The following PLCB4 variants were observed in gnomAD, a reference collection of about 807,000 sequenced individuals.
The protein encoded by PLCB4 is phospholipase C beta 4, also known as 1-phosphatidylinositol 4,5-bisphosphate phosphodiesterase beta-4.
PLCB4 carries 77 observed loss-of-function variants against 178.8 expected under a neutral mutation model. That is an observed-to-expected ratio of 0.43 (90% CI 0.36 to 0.52). PLCB4 has a LOEUF of 0.52. Among genes scored for constraint, PLCB4 ranks in the 20% least tolerant of loss-of-function variants. PLCB4 has a pLI of 0.00. For missense variants in PLCB4, 1,024 were observed against 1,453.4 expected (o/e 0.70, Z 4.80); for synonymous variants, 496 against 490.8 (o/e 1.01, Z -0.14).
In PLCB4 at chr20:9,386,694, A is replaced by G. The variant is rs565579880; in HGVS notation, c.1065-769A>G. On this transcript the variant is annotated intron_variant, in intron 14 of 39. Coordinates refer to ENST00000378473, the MANE Select transcript of PLCB4 (RefSeq NM_001377142.1). The stretch of plus-strand genomic sequence containing the variant: ...ATTATTATACTTTAAGTTTTAGGGT[A>G]CATATGCACAACGTGCAGGTTTGTT... 6.3e-3 allele frequency among the ~76,000 whole-genome samples: 952 copies of G among 152,064 alleles called. 3 individuals carry two copies. The highest frequency in any genetic ancestry group is 8.3e-3 in the Non-Finnish European group (563 of 67,978).
intron 2 of PLCB4, among the ~76,000 whole-genome samples, chr20:9,138,406 G>A (rs188636715): frequency 3.3e-5 from 5 of 152,146 alleles, no homozygotes; most frequent in East Asian, 3.9e-4. Context: ...TAGACATTTA[G>A]TGGGAAATAT....
intron 3 of PLCB4, among the ~76,000 whole-genome samples, chr20:9,224,295 T>C (rs1157656736): frequency 1.3e-5 from 2 of 152,206 alleles, no homozygotes; most frequent in South Asian, 4.1e-4. Flanking sequence ...CACCCTTCTA[T>C]ACAGTGGCTC....
chr20:9,438,137 C>T lies in PLCB4; in HGVS notation c.2764+985C>T, dbSNP rs4369941. ...ATCCCAGCACTTTGAGAGGCCGAAG[C>T]GGGCAGATCATGAGGTCAGGAGATC... is the stretch of plus-strand genomic sequence containing the variant. On this transcript the variant is annotated intron_variant, in intron 30 of 39. Transcript: ENST00000378473. Among the ~76,000 whole-genome samples the T allele has an allele frequency of 7.8e-3, 1,192 of 151,974 alleles. 6 individuals are homozygous for T. Among genetic ancestry groups the T allele is most frequent in the Non-Finnish European group, 0.012 (790 of 67,958 alleles).
In PLCB4 at chr20:9,407,926, A is replaced by T. The variant is rs1418910844; in HGVS notation, c.1657A>T (p.Thr553Ser). ...EHENNKKGLVTVEDEQAWMAS... is the reference protein window; with the variant it reads ...EHENNKKGLVSVEDEQAWMAS... ...TTCCTTGTGCTTGTAGGGCCTGGTC[A>T]CTGTAGAAGATGAGCAGGCGTGGAT... The change falls in exon 22 of 40, where the codon ACT (threonine) becomes TCT (serine). Residue 553 changes from threonine to serine, a missense_variant. By Grantham distance (58) the Thr-to-Ser change is moderately conservative. Coordinates refer to ENST00000378473, the MANE Select transcript of PLCB4 (RefSeq NM_001377142.1). The T allele has an allele frequency of 6.2e-7, 1 of 1,612,370 alleles. No homozygotes were observed. Among genetic ancestry groups the T allele is most frequent in the Non-Finnish European group, 8.5e-7 (1 of 1,179,448 alleles).
chr20:9,144,060 CT>C (rs1478829626), intron 2 of PLCB4, among the ~76,000 whole-genome samples: 1 of 152,114 alleles, frequency 6.6e-6, no homozygotes, highest in Non-Finnish European at 1.5e-5. Flanking sequence ...CTGAAGTTTG[CT>C]TTTAGTTTTA....
intron 4 of PLCB4, among the ~76,000 whole-genome samples, chr20:9,325,525 C>CCTCA (rs1457029575): frequency 1.3e-5 from 2 of 152,144 alleles, no homozygotes; most frequent in Non-Finnish European, 2.9e-5. Flanking sequence ...ATCTGAGCAT[C>CCTCA]CAGATTTTGC....
chr20:9,131,302 T>C (rs1175519725), intron 2 of PLCB4, among the ~76,000 whole-genome samples: 3 of 152,088 alleles, frequency 2.0e-5, no homozygotes, highest in African/African-American at 4.8e-5. Context: ...CTTCCTTGCT[T>C]CCTTCCTTCT....
At chr20:9,151,802 G>T (rs1004407002) in intron 2 of PLCB4, among the ~76,000 whole-genome samples, 1 of 152,204 alleles carries the variant, frequency 6.6e-6, no homozygotes, top group African/African-American at 2.4e-5. Context: ...GATTGGAACA[G>T]TTTGAAGGGC....
intron 4 of PLCB4, among the ~76,000 whole-genome samples, chr20:9,318,932 C>T (rs919887776): frequency 1.3e-5 from 2 of 152,138 alleles, no homozygotes; most frequent in Non-Finnish European, 2.9e-5. Flanking sequence ...TACCTCAAGC[C>T]GTGTCTGTGG....
At chr20:9,289,262 T>C (rs1007440902) in intron 3 of PLCB4, among the ~76,000 whole-genome samples, 7 of 152,102 alleles carry the variant, frequency 4.6e-5, no homozygotes, top group Non-Finnish European at 2.9e-5. Flanking sequence ...CCAAATAGCA[T>C]TGTAGACCAA....
At chr20:9,473,199 G>A in intron 37 of PLCB4, 80 bp from the exon 38 acceptor site, 1 of 809,894 alleles carries the variant, frequency 1.2e-6, no homozygotes. Flanking sequence ...AAATTATAAA[G>A]TTACAAGTCA....
intron 2 of PLCB4, among the ~76,000 whole-genome samples, chr20:9,159,161 G>C (rs1354616493): frequency 4.6e-5 from 7 of 152,126 alleles, no homozygotes; most frequent in Admixed American, 4.6e-4. Context: ...GAAGATGTAT[G>C]GGTGATTTTT....
At chr20:9,120,679 C>T (rs1291176252) in intron 2 of PLCB4, among the ~76,000 whole-genome samples, 1 of 152,146 alleles carries the variant, frequency 6.6e-6, no homozygotes, top group Non-Finnish European at 1.5e-5. Flanking sequence ...CTCACCTCCA[C>T]TCACCTTCTG....
At chr20:9,465,049 C>A (rs2122543649) in intron 35 of PLCB4, among the ~76,000 whole-genome samples, 1 of 152,302 alleles carries the variant, frequency 6.6e-6, no homozygotes, top group South Asian at 2.1e-4. Context: ...TAAATACTGG[C>A]AAACCAAATC....
intron 7 of PLCB4, among the ~76,000 whole-genome samples, chr20:9,356,254 T>A (rs2034810402): frequency 6.6e-6 from 1 of 152,178 alleles, no homozygotes; most frequent in Admixed American, 6.5e-5. Context: ...GCCTGTTCAC[T>A]CTGATGGTAG....
intron 1 of PLCB4, among the ~76,000 whole-genome samples, chr20:9,075,790 T>C (rs1001610290): frequency 5.9e-5 from 9 of 152,240 alleles, no homozygotes; most frequent in Admixed American, 4.6e-4. Context: ...CCAGATTTAT[T>C]TGGAGTCTTC....
intron 3 of PLCB4, among the ~76,000 whole-genome samples, chr20:9,242,786 G>A (rs1208225067): frequency 6.6e-6 from 1 of 152,140 alleles, no homozygotes; most frequent in African/African-American, 2.4e-5. Flanking sequence ...TGTTAGAAAT[G>A]CAGATTCTCA....
intron 2 of PLCB4, among the ~76,000 whole-genome samples, chr20:9,148,997 T>C (rs1471503021): frequency 6.6e-6 from 1 of 152,152 alleles, no homozygotes; most frequent in African/African-American, 2.4e-5. Flanking sequence ...CAGATCTGCT[T>C]TCTAAATTCT....
intron 2 of PLCB4, among the ~76,000 whole-genome samples, chr20:9,182,218 C>G (rs1233231870): frequency 6.6e-6 from 1 of 152,138 alleles, no homozygotes; most frequent in East Asian, 1.9e-4. Context: ...GGTTTGGGCT[C>G]CATTCTTGTA....
Sources: gnomAD v4.1 joint callset for allele counts (sites outside exome capture counted in the v4.1 genomes callset) on GRCh38, gnomAD v4.1.1 for gene constraint, MANE v1.5 for transcripts, NCBI Gene and HGNC (gene_info 2026-07-23, HGNC 2026-07-21) for gene names.